KANSL1: variants seen among roughly 807,000 people sequenced by gnomAD.
KANSL1 encodes MLL1/MLL complex subunit KANSL1.
Under a neutral mutation model 103.6 loss-of-function variants are expected in KANSL1, and 22 were observed. The observed-to-expected ratio is 0.21, with a 90% CI of 0.15 to 0.30. The LOEUF (loss-of-function observed/expected upper bound fraction) is 0.30, where lower values mean the gene tolerates loss of function less well. KANSL1 is among the 10% of genes least tolerant of loss of function. KANSL1 has a pLI of 1.00. For synonymous variants in KANSL1, 600 were observed against 527.6 expected, an observed-to-expected ratio of 1.14 and a Z score of -1.88; for missense variants, 1,337 against 1,399.8, an observed-to-expected ratio of 0.96 and a Z score of 0.72.
intron 7 of KANSL1, 53 bp downstream of exon 7, chr17:46,050,480 A>G (rs1275005706): frequency 1.2e-5 from 19 of 1,554,728 alleles, no homozygotes; most frequent in African/African-American, 8.2e-5. Flanking sequence ...TCTTTCACCT[A>G]GAAGTCTCTC....
chr17:46,066,741 G>C lies in KANSL1; in HGVS notation c.1653-9C>G, dbSNP rs1425659759. ...CCAAGACAGGCTGAAGACTATACAA[G>C]GGGAAGGAAGAGTATTCTCAGAACA... On this transcript the variant is annotated splice_polypyrimidine_tract_variant and intron_variant, in intron 5 of 14. Transcript: ENST00000432791. The C allele has an allele frequency of 6.9e-6, 11 of 1,600,058 alleles. No homozygotes were observed. Among genetic ancestry groups the C allele is most frequent in the Non-Finnish European group, 5.1e-6 (6 of 1,170,044 alleles).
At chr17:46,042,584 A>G (rs913930129) in intron 7 of KANSL1, 1 of 152,194 alleles carries the variant, frequency 6.6e-6, no homozygotes, top group African/African-American at 2.4e-5. Flanking sequence ...GATGGAGAGG[A>G]TTCTGTAGTA....
At chr17:46,158,232 T>C (rs957429697) in intron 2 of KANSL1, among the ~76,000 whole-genome samples, 6 of 152,252 alleles carry the variant, frequency 3.9e-5, no homozygotes, top group African/African-American at 1.4e-4. Flanking sequence ...AAATCAACTG[T>C]TTCTGGGAAA....
chr17:46,221,089 A>G (rs1245316848), intron 1 of KANSL1: 2 of 151,330 alleles, frequency 1.3e-5, no homozygotes, highest in Non-Finnish European at 1.5e-5. Context: ...ATCAAATCAT[A>G]CATACTGTTC....
intron 2 of KANSL1, among the ~76,000 whole-genome samples, chr17:46,128,435 A>G (rs1184187245): frequency 1.3e-5 from 2 of 152,178 alleles, no homozygotes; most frequent in Non-Finnish European, 2.9e-5. Flanking sequence ...GTAAGAAGAG[A>G]ATTAAAAAGC....
chr17:46,214,751 G>A (rs1208278393), intron 1 of KANSL1, among the ~76,000 whole-genome samples: 10 of 152,178 alleles, frequency 6.6e-5, no homozygotes, highest in Admixed American at 6.5e-4. Context: ...GGTTCAAAGT[G>A]GAGCAAACTA....
chr17:46,162,984 T>C (rs960017030), intron 2 of KANSL1, among the ~76,000 whole-genome samples: 1 of 152,170 alleles, frequency 6.6e-6, no homozygotes, highest in Non-Finnish European at 1.5e-5. Flanking sequence ...ATCCTTCAGG[T>C]CTCAGCTTAC....
At chr17:46,101,068 GA>G (rs1447232359) in intron 2 of KANSL1, among the ~76,000 whole-genome samples, 1 of 152,184 alleles carries the variant, frequency 6.6e-6, no homozygotes, top group East Asian at 1.9e-4. Flanking sequence ...TCTAAGTTCT[GA>G]AATCTCCAGG....
In KANSL1 at chr17:46,171,049, C is replaced by T. The variant is rs2147733459; in HGVS notation, c.1095G>A (p.Glu365=). 8.1e-6 allele frequency: 13 copies of T among 1,614,180 alleles called. No homozygotes were observed. The highest frequency in any genetic ancestry group is 1.1e-5 in the Non-Finnish European group (13 of 1,180,052). Residue 365 remains glutamate (E), a synonymous_variant, in exon 2 of 15, where the codon GAG becomes GAA. Coordinates refer to ENST00000432791, the MANE Select transcript of KANSL1 (RefSeq NM_015443.4). ...TGCTTTTCAGAAAGTTGCTAAGTCC[C>T]TCTGAAGTGGTGGTCTCACTGGCAG... The part of the protein sequence containing the change: ...RKAASETTTS[E]GLSNFLKSNS...
intron 6 of KANSL1, among the ~76,000 whole-genome samples, chr17:46,057,305 T>C (rs2077967980): frequency 1.3e-5 from 2 of 152,102 alleles, no homozygotes; most frequent in Admixed American, 1.3e-4. Flanking sequence ...TGACTGTCCT[T>C]AGAGGATAGT....
At chr17:46,123,278 G>T (rs1172532772) in intron 2 of KANSL1, among the ~76,000 whole-genome samples, 9 of 152,220 alleles carry the variant, frequency 5.9e-5, no homozygotes, top group Non-Finnish European at 1.2e-4. Flanking sequence ...TCAGGAGGCT[G>T]AGGCAGGAGA....
chr17:46,084,479 C>T (rs1346977937), intron 3 of KANSL1, among the ~76,000 whole-genome samples: 1 of 151,576 alleles, frequency 6.6e-6, no homozygotes, highest in Non-Finnish European at 1.5e-5. Flanking sequence ...GTTAGGAGTG[C>T]GAGACCAGCC....
intron 7 of KANSL1, among the ~76,000 whole-genome samples, chr17:46,048,685 T>C (rs1319136431): frequency 6.6e-6 from 1 of 152,218 alleles, no homozygotes; most frequent in African/African-American, 2.4e-5. Flanking sequence ...CCAATCCAGA[T>C]TATGAAAGCG....
intron 1 of KANSL1, among the ~76,000 whole-genome samples, chr17:46,214,492 A>T (rs977173323): frequency 6.6e-6 from 1 of 152,228 alleles, no homozygotes; most frequent in Non-Finnish European, 1.5e-5. Flanking sequence ...TGTCTCTACT[A>T]AAAATACAAA....
intron 2 of KANSL1, among the ~76,000 whole-genome samples, chr17:46,122,528 G>A (rs1329346640): frequency 1.3e-5 from 2 of 152,050 alleles, no homozygotes; most frequent in African/African-American, 2.4e-5. Context: ...ATCTCCTATC[G>A]ACTACAAAAG....
intron 6 of KANSL1, among the ~76,000 whole-genome samples, chr17:46,062,107 A>AC (rs1312315024): frequency 3.0e-3 from 114 of 38,206 alleles, no homozygotes; most frequent in African/African-American, 9.4e-3. Context: ...AAAAAAAAAA[A>AC]AACAAACAAA....
intron 6 of KANSL1, among the ~76,000 whole-genome samples, chr17:46,059,503 C>T (rs907334114): frequency 2.0e-5 from 3 of 151,668 alleles, no homozygotes; most frequent in Non-Finnish European, 4.4e-5. Flanking sequence ...CCTGTAGTCC[C>T]AGCTACTTGG....
At chr17:46,188,146 C>G (rs1177877351) in intron 1 of KANSL1, among the ~76,000 whole-genome samples, 1 of 152,198 alleles carries the variant, frequency 6.6e-6, no homozygotes, top group Non-Finnish European at 1.5e-5. Context: ...CACAATCCTC[C>G]CCTCAATCTG....
At position 46,082,682 on chromosome 17, in the gene KANSL1, C is replaced by A. The variant is rs115646678; in HGVS notation, c.1432-140G>T. ...CCTATGGTTCAGAAACAAACTACAG[C>A]AGCAGCAGCTTTGTTTTCCCAAAGA... On this transcript the variant is annotated intron_variant, in intron 3 of 14. Coordinates refer to ENST00000432791, the MANE Select transcript of KANSL1 (RefSeq NM_015443.4). The A allele has an allele frequency of 4.9e-3, 2,322 of 472,438 alleles. 29 individuals carry two copies. Among genetic ancestry groups the A allele is most frequent in the African/African-American group, 0.034 (1,691 of 50,296 alleles). 29.3% of individuals were successfully genotyped at this position (472,438 alleles called of 1,614,324 possible).
Sources: gnomAD v4.1 joint callset for allele counts (sites outside exome capture counted in the v4.1 genomes callset) on GRCh38, gnomAD v4.1.1 for gene constraint, MANE v1.5 for transcripts, NCBI Gene and HGNC (gene_info 2026-07-23, HGNC 2026-07-21) for gene names.